The following SLC9C1 variants were observed in gnomAD, a reference collection of about 807,000 sequenced individuals.
SLC9C1 encodes solute carrier family 9 member C1.
A neutral mutation model predicts 140.9 loss-of-function variants in SLC9C1; 97 were observed. The ratio of observed to expected loss-of-function variants is 0.69; its 90% CI spans 0.58 to 0.82. The LOEUF is 0.82. Among genes scored for constraint, SLC9C1 ranks in the 40% least tolerant of loss-of-function variants. The pLI, the probability that SLC9C1 is intolerant of heterozygous loss-of-function variation, is 0.00. For synonymous variants in SLC9C1, 440 were observed against 442.6 expected, an observed-to-expected ratio of 0.99 and a Z score of 0.07; for missense variants, 1,340 against 1,389.3, an observed-to-expected ratio of 0.96 and a Z score of 0.56.
intron 10 of SLC9C1, among the ~76,000 whole-genome samples, chr3:112,255,613 C>T (rs10934151): frequency 0.59 from 89,890 of 151,760 alleles, 27,120 homozygotes; most frequent in East Asian, 0.79. Context: ...TATCATGAAA[C>T]GCCCAAATCA....
Position 112,200,742 on chromosome 3 carries a change from T to C in SLC9C1, c.2343A>G (p.Ile781Met), listed in dbSNP as rs755263705. 1 of 1,609,648 alleles carries C rather than the reference T, an allele frequency of 6.2e-7. No homozygotes were observed. Among genetic ancestry groups the C allele is most frequent in the Admixed American group, 1.7e-5 (1 of 59,378 alleles). Reference protein sequence around the residue: ...QIKQMLLKQVIRNMEHAIKEL... With the variant: ...QIKQMLLKQVMRNMEHAIKEL... ...CTTTTATAGCATGTTCCATATTCCT[T>C]ATCACTTGCTTTAATAACATCTAAG... The change falls in exon 19 of 29, where the codon ATA (isoleucine) becomes ATG (methionine). Residue 781 changes from isoleucine (I) to methionine (M), a missense_variant. Transcript: ENST00000305815.
chr3:112,203,227 C>T (rs1416314757), intron 17 of SLC9C1, among the ~76,000 whole-genome samples: 2 of 151,956 alleles, frequency 1.3e-5, no homozygotes, highest in East Asian at 1.9e-4. Context: ...TAACATAAGA[C>T]CATAGTTCAG....
At chr3:112,180,254 G>C (rs2107954015) in intron 22 of SLC9C1, among the ~76,000 whole-genome samples, 1 of 152,342 alleles carries the variant, frequency 6.6e-6, no homozygotes, top group East Asian at 1.9e-4. Flanking sequence ...AGGCGCAGTG[G>C]CTCACGCCTG....
intron 12 of SLC9C1, among the ~76,000 whole-genome samples, chr3:112,232,501 C>G (rs1323857962): frequency 1.3e-5 from 2 of 152,130 alleles, no homozygotes; most frequent in Non-Finnish European, 2.9e-5. Context: ...CCTGCAGGCA[C>G]AAGTGTCAGT....
chr3:112,195,271 T>A (rs1038278004), intron 20 of SLC9C1, among the ~76,000 whole-genome samples: 28 of 152,162 alleles, frequency 1.8e-4, no homozygotes, highest in Admixed American at 1.6e-3. Flanking sequence ...TACATAAAGG[T>A]CATGGGTCTA....
chr3:112,152,151 C>T (rs891655841), intron 27 of SLC9C1, among the ~76,000 whole-genome samples, 188 bp from the exon 28 acceptor site: 1 of 152,108 alleles, frequency 6.6e-6, no homozygotes, highest in Non-Finnish European at 1.5e-5. Context: ...AGGGAAGACC[C>T]GCACCGGCAC....
chr3:112,233,882 G>C (rs1028771821), intron 12 of SLC9C1, among the ~76,000 whole-genome samples: 4 of 152,108 alleles, frequency 2.6e-5, no homozygotes, highest in Admixed American at 2.0e-4. Context: ...GTCTATCATT[G>C]TTGGACATTT....
intron 23 of SLC9C1, among the ~76,000 whole-genome samples, chr3:112,173,527 G>A (rs1293742588): frequency 1.3e-5 from 2 of 152,190 alleles, no homozygotes; most frequent in African/African-American, 4.8e-5. Flanking sequence ...ATGAGAACAT[G>A]CAGTATTTGC....
chr3:112,156,967 T>C (rs1310332540), intron 26 of SLC9C1, among the ~76,000 whole-genome samples: 2 of 152,300 alleles, frequency 1.3e-5, no homozygotes, highest in East Asian at 1.9e-4. Context: ...TGTTATTCTG[T>C]AGGTTGTCTC....
chr3:112,274,067 T>C (rs1416422710), intron 6 of SLC9C1, among the ~76,000 whole-genome samples: 1 of 152,142 alleles, frequency 6.6e-6, no homozygotes, highest in Middle Eastern at 3.2e-3. Context: ...TTCTCAGTAA[T>C]ATTATGAAAA....
chr3:112,262,534 G>C (rs2079803017), intron 10 of SLC9C1, among the ~76,000 whole-genome samples: 1 of 151,942 alleles, frequency 6.6e-6, no homozygotes. Flanking sequence ...ACTGTTTAGA[G>C]TGTTTTACCT....
At chr3:112,190,035 G>T (rs150360654) in intron 20 of SLC9C1, among the ~76,000 whole-genome samples, 223 of 152,208 alleles carry the variant, frequency 1.5e-3, no homozygotes, top group African/African-American at 5.2e-3. Flanking sequence ...CTCTCTGTTT[G>T]TCTGTTATTT....
chr3:112,183,349 C>CTTTTTTTTTTTTTTTTTTTT lies in SLC9C1; in HGVS notation c.2524-1111_2524-1092dup, dbSNP rs200437815. Among the ~76,000 whole-genome samples the CTTTTTTTTTTTTTTTTTTTT allele has an allele frequency of 3.6e-3, 347 of 95,306 alleles. 65 individuals are homozygous for CTTTTTTTTTTTTTTTTTTTT. Among genetic ancestry groups the CTTTTTTTTTTTTTTTTTTTT allele is most frequent in the African/African-American group, 0.011 (222 of 20,344 alleles). 62.5% of individuals were successfully genotyped at this position (95,306 alleles called of 152,430 possible). ...ACGACAATGATATTTAGCACCTTTT[C>CTTTTTTTTTTTTTTTTTTTT]TTTTTTTTTTTTTTTTTTTTTCAGC... On this transcript the variant is annotated intron_variant, in intron 20 of 28. Transcript: ENST00000305815.
At chr3:112,273,620 T>A (rs1022113163) in intron 6 of SLC9C1, among the ~76,000 whole-genome samples, 4 of 152,076 alleles carry the variant, frequency 2.6e-5, no homozygotes, top group African/African-American at 7.2e-5. Context: ...TATTCTTCAC[T>A]TCGGAGTTTT....
intron 28 of SLC9C1, among the ~76,000 whole-genome samples, chr3:112,143,773 A>G (rs2074701649): frequency 6.6e-6 from 1 of 152,050 alleles, no homozygotes; most frequent in Non-Finnish European, 1.5e-5. Context: ...TTTTGTTGCA[A>G]TTGCTTTTGA....
chr3:112,214,378 T>C (rs2108089862), intron 15 of SLC9C1, among the ~76,000 whole-genome samples: 1 of 151,964 alleles, frequency 6.6e-6, no homozygotes, highest in East Asian at 1.9e-4. Flanking sequence ...CTGAAGGAGA[T>C]AGAGACACGA....
intron 26 of SLC9C1, among the ~76,000 whole-genome samples, chr3:112,160,519 G>A (rs1377756825): frequency 6.7e-6 from 1 of 150,334 alleles, no homozygotes; most frequent in Non-Finnish European, 1.5e-5. Context: ...AGTATGCGGT[G>A]TTTGGTTTTT....
intron 10 of SLC9C1, among the ~76,000 whole-genome samples, chr3:112,260,610 C>T (rs1450079708): frequency 6.6e-6 from 1 of 152,116 alleles, no homozygotes; most frequent in Non-Finnish European, 1.5e-5. Flanking sequence ...TGGCAGGTCA[C>T]ATTATCCTAC....
At chr3:112,163,471 C>G (rs200736342) in intron 26 of SLC9C1, among the ~76,000 whole-genome samples, 36 of 148,596 alleles carry the variant, frequency 2.4e-4, no homozygotes, top group Non-Finnish European at 4.5e-4. Context: ...GGTATGTTGT[C>G]TCTTTGTTCT....
Sources: allele counts gnomAD v4.1 joint callset (sites outside exome capture counted in the v4.1 genomes callset), GRCh38; gene constraint gnomAD v4.1.1; transcripts MANE v1.5; gene names NCBI Gene and HGNC (gene_info 2026-07-23, HGNC 2026-07-21).